Variants in ZSCAN2 observed in about 807,000 individuals in gnomAD.
The protein encoded by ZSCAN2 is zinc finger and SCAN domain-containing protein 2.
In ZSCAN2, 26 loss-of-function variants were observed where a neutral mutation model predicts 47.8. The ratio of observed to expected loss-of-function variants is 0.54; its 90% confidence interval spans 0.40 to 0.75. ZSCAN2 has a LOEUF of 0.75. Ranked by LOEUF, ZSCAN2 falls within the 30% of genes least tolerant of loss-of-function variation. The pLI, the probability that ZSCAN2 is intolerant of heterozygous loss-of-function variation, is 0.00. For missense variants in ZSCAN2, 732 were observed against 785.4 expected (o/e 0.93, Z 0.81); for synonymous variants, 305 against 288.7 (o/e 1.06, Z -0.57).
At chr15:84,616,652 C>T in intron 2 of ZSCAN2, 1 of 1,140,208 alleles carries the variant, frequency 8.8e-7, no homozygotes, top group Admixed American at 4.8e-5. Context: ...CTAACCAGTT[C>T]TGATTTTAAA....
At position 84,622,804 on chromosome 15, in the gene ZSCAN2, C is replaced by A; in HGVS notation, c.*764C>A. 3.1e-6 allele frequency: 2 copies of A among 653,042 alleles called. No individual in the cohort carries two copies. The highest frequency in any genetic ancestry group is 1.8e-5 in the South Asian group (1 of 56,304). The allele number at this position is 653,042 out of a possible 1,614,324, so 40.5% of individuals were successfully genotyped here. A position where few individuals can be genotyped will look rare whatever the true frequency, so the allele number is the denominator to read the frequency against. On this transcript the variant is annotated 3_prime_UTR_variant, in exon 3 of 3. Transcript: ENST00000546148. ...CTCTGCCTACTGTCCTGTGGTAGAT[C>A]AGCTACCAGGGGAACACATTTGTTC...
Position 84,621,174 on chromosome 15 carries a change from A to G in ZSCAN2, c.979A>G (p.Thr327Ala), listed in dbSNP as rs1290734873. The part of the protein sequence containing the change: ...RSPNLIAHQR[T>A]HTGEKPYSCP... ...TCCCAACCTCATTGCACATCAGCGC[A>G]CCCACACAGGAGAGAAACCCTACTC... The change falls in exon 3 of 3, where the codon ACC becomes GCC. Residue 327 changes from threonine to alanine, a missense_variant. Physicochemically the swap from Thr to Ala is moderately conservative, Grantham distance 58 (BLOSUM62 0). Around this residue, in one of 2 missense-constraint regions of ZSCAN2, gnomAD observed 412 missense variants for 498.0 expected, o/e 0.83. Transcript: ENST00000546148. The surrounding 1 kb of genome is among the most constrained non-coding windows in gnomAD (Gnocchi z 5.7). 6.2e-7 allele frequency: 1 copy of G among 1,614,128 alleles called. No homozygotes were observed. Among genetic ancestry groups the G allele is most frequent in the African/African-American group, 1.3e-5 (1 of 75,014 alleles).
Position 84,620,771 on chromosome 15 carries a change from AG to A in ZSCAN2, c.578del (p.Gly193ValfsTer18). ...GIQRLQGHSP[G>X]EDHGEVVSQD... Reference sequence around the variant, plus strand: ...TCCAGAGGCTCCAGGGACACAGCCCAGGTGAGGACCACGGGGAGGTGGTTTC... The same window carrying A: ...TCCAGAGGCTCCAGGGACACAGCCCAGTGAGGACCACGGGGAGGTGGTTTC... On this transcript the variant is annotated frameshift_variant, in exon 3 of 3. Transcript: ENST00000546148. LOFTEE classifies it high-confidence loss of function. 6.2e-7 allele frequency: 1 copy of A among 1,614,240 alleles called. No homozygotes were observed.
chr15:84,612,250 T>C (rs1895570866), intron 2 of ZSCAN2: 1 of 152,274 alleles, frequency 6.6e-6, no homozygotes, highest in African/African-American at 2.4e-5. Flanking sequence ...CTCCTGTGTC[T>C]CTCTGGTCTT....
At chr15:84,604,520 C>T (rs1895316520) in intron 2 of ZSCAN2, among the ~76,000 whole-genome samples, 187 bp downstream of exon 2, 1 of 152,158 alleles carries the variant, frequency 6.6e-6, no homozygotes, top group South Asian at 2.1e-4. Flanking sequence ...GCAAAGTCAG[C>T]TCCAGAAGTG....
chr15:84,604,953 G>T (rs1215115850), intron 2 of ZSCAN2, among the ~76,000 whole-genome samples: 1 of 151,978 alleles, frequency 6.6e-6, no homozygotes, highest in Non-Finnish European at 1.5e-5. Flanking sequence ...CGCCAGACTG[G>T]TCTCAAGCTC....
intron 2 of ZSCAN2, among the ~76,000 whole-genome samples, chr15:84,604,721 A>C (rs564599737): frequency 1.3e-4 from 20 of 148,978 alleles, no homozygotes; most frequent in African/African-American, 5.0e-4. Flanking sequence ...TTTCAACATG[A>C]CTTTTTTTTC....
intron 2 of ZSCAN2, chr15:84,606,425 C>A: frequency 1.1e-6 from 1 of 892,942 alleles, no homozygotes; most frequent in Non-Finnish European, 1.8e-6. Flanking sequence ...ATGGAGATCT[C>A]AGTTTTGCTT....
intron 2 of ZSCAN2, among the ~76,000 whole-genome samples, chr15:84,605,060 C>T (rs1895340602): frequency 1.3e-5 from 2 of 152,126 alleles, no homozygotes; most frequent in African/African-American, 4.8e-5. Context: ...TTTATGAAAC[C>T]AAGAGAAATG....
At chr15:84,617,133 A>G (rs1360076870) in intron 2 of ZSCAN2, among the ~76,000 whole-genome samples, 2 of 144,278 alleles carry the variant, frequency 1.4e-5, no homozygotes, top group East Asian at 4.3e-4. Flanking sequence ...AAAAAAGAAA[A>G]AAAAAAAAAC....
chr15:84,610,397 A>G (rs778412352), intron 2 of ZSCAN2, among the ~76,000 whole-genome samples: 1 of 152,094 alleles, frequency 6.6e-6, no homozygotes, highest in South Asian at 2.1e-4. Context: ...CTAGGCACTC[A>G]CAATTCAAGT....
chr15:84,604,438 GCTAGCGC>G, intron 2 of ZSCAN2, 105 bp downstream of exon 2: 2 of 1,395,690 alleles, frequency 1.4e-6, no homozygotes, highest in South Asian at 2.8e-5. Flanking sequence ...AGAGTGGGGG[GCTAGCGC>G]CATCCCTCTG....
At position 84,622,444 on chromosome 15, in the gene ZSCAN2, GGTTGTTTT is replaced by G. The variant is rs1490993431; in HGVS notation, c.*414_*421del. The G allele has an allele frequency of 6.5e-6, 4 of 615,966 alleles. No individual in the cohort carries two copies. The highest frequency in any genetic ancestry group is 1.2e-5 in the Non-Finnish European group (4 of 339,450). The allele number at this position is 615,966 out of a possible 1,614,324, so 38.2% of individuals were successfully genotyped here. A position where few individuals can be genotyped will look rare whatever the true frequency, so the allele number is the denominator to read the frequency against. On this transcript the variant is annotated 3_prime_UTR_variant, in exon 3 of 3. Coordinates refer to ENST00000546148, the MANE Select transcript of ZSCAN2 (RefSeq NM_181877.4). The stretch of plus-strand genomic sequence containing the variant: ...TACTGGAAATCATTGGTGTGGTTCT[GGTTGTTTT>G]GTTGTTTTGCTGCCACGTTGTTGGG...
rs756249917 is a variant in ZSCAN2 at position 84,621,946 on chromosome 15, A to C, written c.1751A>C (p.Lys584Thr). ...CATCAGCGAATCCACACTGGGGAGA[A>C]GCCCTACAAATGCCCCGAGTGTGGC... ...IIHQRIHTGE[K>T]PYKCPECGKG... Residue 584 changes from lysine to threonine, a missense_variant, in exon 3 of 3, where the codon AAG becomes ACG. Transcript: ENST00000546148. The surrounding 1 kb of genome is among the most constrained non-coding windows in gnomAD (Gnocchi z 5.7). The C allele has an allele frequency of 3.7e-6, 6 of 1,614,108 alleles. No homozygotes were observed.
At position 84,621,541 on chromosome 15, in the gene ZSCAN2, G is replaced by C; in HGVS notation, c.1346G>C (p.Gly449Ala). The C allele has an allele frequency of 6.2e-7, 1 of 1,613,666 alleles. No individual in the cohort carries two copies. Among genetic ancestry groups the C allele is most frequent in the Non-Finnish European group, 8.5e-7 (1 of 1,179,940 alleles). The change falls in exon 3 of 3, where the codon GGG becomes GCG. Residue 449 changes from glycine to alanine, a missense_variant. Gly to Ala is a moderately conservative substitution (Grantham distance 60, BLOSUM62 0). Coordinates refer to ENST00000546148, the MANE Select transcript of ZSCAN2 (RefSeq NM_181877.4). This position sits in a 1 kb window ranked among gnomAD's most constrained non-coding sequence, Gnocchi z 5.7. ...THMVEKPYKCGVCGKSFSQSS... is the reference protein window; with the variant it reads ...THMVEKPYKCAVCGKSFSQSS... ...ATGGTGGAGAAGCCCTATAAGTGTG[G>C]GGTGTGTGGGAAGAGCTTCAGCCAG...
intron 2 of ZSCAN2, among the ~76,000 whole-genome samples, chr15:84,618,803 AT>A (rs1730470138): frequency 6.6e-6 from 1 of 152,076 alleles, no homozygotes; most frequent in African/African-American, 2.4e-5. Flanking sequence ...ATCTCAGATA[AT>A]CTACCCACCT....
chr15:84,620,537 C>T (rs985779243), intron 2 of ZSCAN2, 65 bp from the exon 3 acceptor site: 27 of 1,381,834 alleles, frequency 2.0e-5, no homozygotes, highest in Admixed American at 4.4e-5. Flanking sequence ...TTTCCCCCTT[C>T]GTTTTCTTTT....
chr15:84,608,894 C>T (rs181033086), intron 2 of ZSCAN2, among the ~76,000 whole-genome samples: 7 of 152,308 alleles, frequency 4.6e-5, no homozygotes, highest in East Asian at 1.9e-4. Context: ...CACCAAGCCC[C>T]GCTGAAGCAA....
At chr15:84,613,989 T>TTA (rs1324325139) in intron 2 of ZSCAN2, among the ~76,000 whole-genome samples, 1 of 125,004 alleles carries the variant, frequency 8.0e-6, no homozygotes, top group East Asian at 2.7e-4. Context: ...CTCTTTTTTT[T>TTA]TTTTTTTTTT....
Sources: allele counts gnomAD v4.1 joint callset (sites outside exome capture counted in the v4.1 genomes callset), GRCh38; gene constraint gnomAD v4.1.1; regional missense constraint gnomAD v4.1.1; non-coding constraint Gnocchi (gnomAD v3.1); transcripts MANE v1.5; gene names NCBI Gene and HGNC (gene_info 2026-07-23, HGNC 2026-07-21).